BCKDHB: variants seen among roughly 807,000 people sequenced by gnomAD.
The protein encoded by BCKDHB is 2-oxoisovalerate dehydrogenase subunit beta, mitochondrial.
In BCKDHB, 41 loss-of-function variants were observed where a neutral mutation model predicts 48.5. The observed-to-expected ratio is 0.85, with a 90% CI of 0.66 to 1.10. The LOEUF (loss-of-function observed/expected upper bound fraction) is 1.10, where lower values mean the gene tolerates loss of function less well. BCKDHB is among the 50% of genes least tolerant of loss of function. The pLI is 0.00. For synonymous variants in BCKDHB, 201 were observed against 174.8 expected (o/e 1.15, Z -1.18); for missense variants, 496 against 494.2 (o/e 1.00, Z -0.03).
the BCKDHB span, among the ~76,000 whole-genome samples, chr6:80,414,841 TG>T: frequency 6.6e-6 from 1 of 152,200 alleles, no homozygotes; most frequent in Non-Finnish European, 1.5e-5. Context: ...TAAATTGCTT[TG>T]GGCTGTTTGG....
intron 9 of BCKDHB, among the ~76,000 whole-genome samples, chr6:80,286,073 G>A (rs1160110278): frequency 6.6e-6 from 1 of 152,058 alleles, no homozygotes. Context: ...ATTAAATGAG[G>A]TGTGATATAT....
the BCKDHB span, among the ~76,000 whole-genome samples, chr6:80,427,942 C>T: frequency 0.087 from 13,272 of 151,970 alleles, 1,797 homozygotes; most frequent in African/African-American, 0.29. Context: ...CAGTTTTTGT[C>T]AGATAGGTAT....
intron 8 of BCKDHB, 87 bp from the exon 9 acceptor site, chr6:80,273,048 A>C (rs996013555): frequency 7.1e-6 from 7 of 988,816 alleles, no homozygotes; most frequent in Non-Finnish European, 1.1e-5. Flanking sequence ...AATGTATATA[A>C]TTTACTTTTA....
At chr6:80,416,876 A>G in the BCKDHB span, among the ~76,000 whole-genome samples, 1 of 151,436 alleles carries the variant, frequency 6.6e-6, no homozygotes, top group Admixed American at 6.6e-5. Context: ...AATGCCTATC[A>G]GGTCTATTTG....
intron 9 of BCKDHB, among the ~76,000 whole-genome samples, chr6:80,332,832 C>T (rs899786451): frequency 1.3e-5 from 2 of 151,938 alleles, no homozygotes; most frequent in Non-Finnish European, 2.9e-5. Context: ...AGCTCATGCC[C>T]TGCATGCAGG....
chr6:80,406,087 A>C, the BCKDHB span, among the ~76,000 whole-genome samples: 1 of 150,962 alleles, frequency 6.6e-6, no homozygotes, highest in Non-Finnish European at 1.5e-5. Flanking sequence ...TTTGTTTTCT[A>C]TCCTCTTGTT....
intron 8 of BCKDHB, among the ~76,000 whole-genome samples, chr6:80,206,858 AT>A (rs939675547): frequency 6.6e-6 from 1 of 152,052 alleles, no homozygotes; most frequent in Admixed American, 6.6e-5. Flanking sequence ...TCTCATGAAG[AT>A]TTCAGAACAT....
chr6:80,411,705 G>A, the BCKDHB span, among the ~76,000 whole-genome samples: 1 of 152,194 alleles, frequency 6.6e-6, no homozygotes, highest in East Asian at 1.9e-4. Flanking sequence ...CTGCAGCCTC[G>A]CAGGTTGATC....
chr6:80,223,393 G>A (rs1208433812), intron 8 of BCKDHB, among the ~76,000 whole-genome samples: 1 of 151,964 alleles, frequency 6.6e-6, no homozygotes, highest in East Asian at 1.9e-4. Context: ...TTTTCCTTTG[G>A]TTACATTCAC....
the BCKDHB span, among the ~76,000 whole-genome samples, chr6:80,367,629 T>A: frequency 6.6e-6 from 1 of 152,366 alleles, no homozygotes; most frequent in South Asian, 2.1e-4. Flanking sequence ...TGAACATCAT[T>A]GATTTCTTTC....
At chr6:80,202,447 A>G (rs1774440705) in intron 7 of BCKDHB, among the ~76,000 whole-genome samples, 1 of 152,080 alleles carries the variant, frequency 6.6e-6, no homozygotes, top group Non-Finnish European at 1.5e-5. Context: ...ACTGTTTTCT[A>G]GTGTCTGTAT....
chr6:80,428,913 T>G, the BCKDHB span, among the ~76,000 whole-genome samples: 1 of 152,202 alleles, frequency 6.6e-6, no homozygotes, highest in South Asian at 2.1e-4. Flanking sequence ...TTGTTGCCAT[T>G]GGTTTTGGTG....
At chr6:80,272,552 G>C (rs528430068) in intron 8 of BCKDHB, among the ~76,000 whole-genome samples, 13 of 152,210 alleles carry the variant, frequency 8.5e-5, no homozygotes, top group Admixed American at 2.6e-4. Context: ...TTGAGAATAC[G>C]TACTCATTGT....
chr6:80,127,713 T>A, intron 2 of BCKDHB, 89 bp downstream of exon 2: 1 of 1,158,560 alleles, frequency 8.6e-7, no homozygotes, highest in Non-Finnish European at 1.3e-6. Flanking sequence ...GCTCAATGGT[T>A]AACATTGTAT....
At chr6:80,328,643 C>T (rs1163139614) in intron 9 of BCKDHB, among the ~76,000 whole-genome samples, 1 of 152,124 alleles carries the variant, frequency 6.6e-6, no homozygotes, top group Non-Finnish European at 1.5e-5. Context: ...CCCTCCTGAA[C>T]GTTGTATAAT....
the BCKDHB span, among the ~76,000 whole-genome samples, chr6:80,414,748 G>A: frequency 6.6e-6 from 1 of 152,212 alleles, no homozygotes; most frequent in South Asian, 2.1e-4. Context: ...GCTCTTTATG[G>A]TTCCATAGAA....
the BCKDHB span, among the ~76,000 whole-genome samples, chr6:80,400,768 T>A: frequency 6.6e-6 from 1 of 152,066 alleles, no homozygotes; most frequent in Non-Finnish European, 1.5e-5. Context: ...TGCATGCATA[T>A]GTTGATTGCA....
At chr6:80,428,118 C>T in the BCKDHB span, among the ~76,000 whole-genome samples, 46 of 151,774 alleles carry the variant, frequency 3.0e-4, no homozygotes, top group African/African-American at 7.5e-4. Flanking sequence ...TGAGAACATG[C>T]GGTGTTTGGT....
chr6:80,333,140 A>G (rs1021587732), intron 9 of BCKDHB, among the ~76,000 whole-genome samples: 5 of 152,164 alleles, frequency 3.3e-5, no homozygotes, highest in African/African-American at 1.2e-4. Context: ...AGCACTAAGT[A>G]CAGAATTCCC....
Sources: allele counts gnomAD v4.1 joint callset (sites outside exome capture counted in the v4.1 genomes callset), GRCh38; gene constraint gnomAD v4.1.1; transcripts MANE v1.5; gene names NCBI Gene and HGNC (gene_info 2026-07-23, HGNC 2026-07-21).